The following DNAJC6 variants were observed in gnomAD, a reference collection of about 807,000 sequenced individuals.
DNAJC6 encodes auxilin.
Under a neutral mutation model 110.0 loss-of-function variants are expected in DNAJC6, and 34 were observed. The ratio of observed to expected loss-of-function variants is 0.31; its 90% CI spans 0.24 to 0.41. The LOEUF (loss-of-function observed/expected upper bound fraction) is 0.41, where lower values mean the gene tolerates loss of function less well. Among genes scored for constraint, DNAJC6 ranks in the 10% least tolerant of loss-of-function variants. DNAJC6 has a pLI of 1.00. For synonymous variants in DNAJC6, 406 were observed against 437.2 expected (o/e 0.93, Z 0.89); for missense variants, 1,031 against 1,207.8 (o/e 0.85, Z 2.17).
intron 1 of DNAJC6, among the ~76,000 whole-genome samples, chr1:65,347,828 T>C (rs1645452155): frequency 6.6e-6 from 1 of 152,138 alleles, no homozygotes; most frequent in Admixed American, 6.6e-5. Flanking sequence ...GGATTCCTTG[T>C]TGCATATATT....
chr1:65,415,751 T>C lies in DNAJC6; in HGVS notation c.*2726T>C, dbSNP rs1411949449. ...ATCTACATGTGGAAGAATGTTCAAG[T>C]TGAATCCTAATGCCGTGAATGAAAC... is the stretch of plus-strand genomic sequence containing the variant. On this transcript the variant is annotated 3_prime_UTR_variant, in exon 19 of 19. Transcript: ENST00000371069. 6.6e-6 allele frequency: 1 copy of C among 152,232 alleles called. No individual in the cohort carries two copies. Among genetic ancestry groups the C allele is most frequent in the Non-Finnish European group, 1.5e-5 (1 of 68,040 alleles). 9.4% of individuals were successfully genotyped at this position (152,232 alleles called of 1,614,324 possible).
chr1:65,400,395 C>T (rs1325687617), intron 14 of DNAJC6, among the ~76,000 whole-genome samples: 1 of 152,132 alleles, frequency 6.6e-6, no homozygotes, highest in Non-Finnish European at 1.5e-5. Flanking sequence ...TAACTAGAGT[C>T]ACTATGCTGT....
intron 1 of DNAJC6, among the ~76,000 whole-genome samples, chr1:65,321,053 G>T (rs1645193021): frequency 6.6e-6 from 1 of 152,186 alleles, no homozygotes; most frequent in Admixed American, 6.5e-5. Flanking sequence ...TGAGGTTTGA[G>T]TTGTGTTTTT....
At chr1:65,291,190 A>T (rs1644872065) in intron 1 of DNAJC6, among the ~76,000 whole-genome samples, 1 of 152,044 alleles carries the variant, frequency 6.6e-6, no homozygotes, top group African/African-American at 2.4e-5. Flanking sequence ...ACACCACCAC[A>T]CCTGGCTAAT....
intron 1 of DNAJC6, among the ~76,000 whole-genome samples, chr1:65,303,100 G>GT (rs1484588853): frequency 6.6e-6 from 1 of 152,296 alleles, no homozygotes. Context: ...ATGGAAATGT[G>GT]TTTTTTAAGT....
intron 1 of DNAJC6, among the ~76,000 whole-genome samples, chr1:65,289,697 G>A (rs1654134728): frequency 6.6e-6 from 1 of 152,062 alleles, no homozygotes; most frequent in East Asian, 1.9e-4. Context: ...AATATGTATT[G>A]TTTAAGCTAT....
intron 1 of DNAJC6, among the ~76,000 whole-genome samples, chr1:65,265,257 G>A (rs1043918482): frequency 5.3e-5 from 8 of 151,986 alleles, no homozygotes; most frequent in Admixed American, 2.0e-4. Context: ...ATTTTATTTT[G>A]GGGGTGTTCA....
chr1:65,278,286 A>G (rs1653738777), intron 1 of DNAJC6, among the ~76,000 whole-genome samples: 2 of 152,174 alleles, frequency 1.3e-5, no homozygotes, highest in South Asian at 2.1e-4. Flanking sequence ...TTTCAAATCA[A>G]TATTATGGCA....
chr1:65,385,282 A>T (rs1341406573), intron 6 of DNAJC6, among the ~76,000 whole-genome samples: 1 of 152,218 alleles, frequency 6.6e-6, no homozygotes, highest in Non-Finnish European at 1.5e-5. Context: ...TTTAGATAAC[A>T]TTGATTTTTC....
intron 4 of DNAJC6, among the ~76,000 whole-genome samples, chr1:65,373,973 T>C (rs1422855671): frequency 6.6e-6 from 1 of 152,194 alleles, no homozygotes; most frequent in Non-Finnish European, 1.5e-5. Flanking sequence ...GTTAGAGATA[T>C]AGGTCTATTT....
intron 14 of DNAJC6, among the ~76,000 whole-genome samples, chr1:65,400,557 C>T (rs1298083383): frequency 2.0e-5 from 3 of 152,176 alleles, no homozygotes; most frequent in Non-Finnish European, 4.4e-5. Context: ...TTTTTAGCTT[C>T]CACATGTGAA....
rs1645850146 is a variant in DNAJC6, at chr1:65,384,301, A to G, written c.775A>G (p.Ile259Val). 1.9e-6 allele frequency: 3 copies of G among 1,578,532 alleles called. No individual in the cohort carries two copies. Among genetic ancestry groups the G allele is most frequent in the Non-Finnish European group, 2.6e-6 (3 of 1,164,938 alleles). Reference protein sequence around the residue: ...IRLLYAKRPGIGLSPSHRRYL... With the variant: ...IRLLYAKRPGVGLSPSHRRYL... ...ATTGCTATATGCAAAGCGACCAGGA[A>G]TTGGACTTTCACCATCCCATAGGAG... Residue 259 changes from isoleucine (I) to valine (V), a missense_variant, in exon 6 of 19, where the codon ATT (isoleucine) becomes GTT (valine). Coordinates refer to ENST00000371069, the MANE Select transcript of DNAJC6 (RefSeq NM_001256864.2).
chr1:65,363,254 T>TATTA (rs1189730171), intron 1 of DNAJC6, among the ~76,000 whole-genome samples: 1 of 152,148 alleles, frequency 6.6e-6, no homozygotes, highest in African/African-American at 2.4e-5. Flanking sequence ...AACCAAACCA[T>TATTA]ATTACTTACT....
At chr1:65,403,837 GC>G (rs1381479405) in intron 15 of DNAJC6, among the ~76,000 whole-genome samples, 1 of 152,152 alleles carries the variant, frequency 6.6e-6, no homozygotes, top group Admixed American at 6.5e-5. Context: ...ATGTTGATGA[GC>G]CCCATGAGTG....
intron 9 of DNAJC6, among the ~76,000 whole-genome samples, 185 bp from the exon 10 acceptor site, chr1:65,389,071 C>A (rs1444688364): frequency 6.6e-6 from 1 of 152,194 alleles, no homozygotes; most frequent in Non-Finnish European, 1.5e-5. Flanking sequence ...TTATTCTCCT[C>A]TTTTCTCTAG....
intron 14 of DNAJC6, among the ~76,000 whole-genome samples, chr1:65,401,235 T>A (rs755979944): frequency 1.3e-5 from 2 of 152,222 alleles, no homozygotes; most frequent in Non-Finnish European, 2.9e-5. Context: ...TAAGAGTCTT[T>A]TTACCCTGTT....
chr1:65,282,645 G>A (rs1377644649), intron 1 of DNAJC6, among the ~76,000 whole-genome samples: 1 of 152,134 alleles, frequency 6.6e-6, no homozygotes, highest in Non-Finnish European at 1.5e-5. Flanking sequence ...TACATAACTG[G>A]GATGGACTTT....
At chr1:65,384,363 G>A in intron 6 of DNAJC6, 37 bp downstream of exon 6, 4 of 1,475,328 alleles carry the variant, frequency 2.7e-6, no homozygotes, top group Non-Finnish European at 3.6e-6. Context: ...CACAGATGTA[G>A]TCTAATTGGT....
At chr1:65,402,870 T>C (rs1338761150) in intron 15 of DNAJC6, among the ~76,000 whole-genome samples, 2 of 152,246 alleles carry the variant, frequency 1.3e-5, no homozygotes. Flanking sequence ...TGTATCTTAC[T>C]GAAAATTTCA....
Sources: allele counts gnomAD v4.1 joint callset (sites outside exome capture counted in the v4.1 genomes callset), GRCh38; gene constraint gnomAD v4.1.1; transcripts MANE v1.5; gene names NCBI Gene and HGNC (gene_info 2026-07-23, HGNC 2026-07-21).